ACMSD: variants seen among roughly 807,000 people sequenced by gnomAD.
ACMSD encodes 2-amino-3-carboxymuconate-6-semialdehyde decarboxylase.
ACMSD carries 37 observed loss-of-function variants against 45.9 expected under a neutral mutation model. That is an observed-to-expected ratio of 0.81 (90% CI 0.62 to 1.06). The LOEUF is 1.06. Ranked by LOEUF, ACMSD falls within the 50% of genes least tolerant of loss-of-function variation. The pLI is 0.00. For missense variants in ACMSD, 434 were observed against 420.9 expected (o/e 1.03, Z -0.27); for synonymous variants, 138 against 148.8 (o/e 0.93, Z 0.53).
intron 8 of ACMSD, among the ~76,000 whole-genome samples, chr2:134,879,502 G>C (rs1688923198): frequency 1.3e-5 from 2 of 152,120 alleles, no homozygotes; most frequent in Admixed American, 6.6e-5. Flanking sequence ...ACATGCTGCT[G>C]CATCACAAAT....
chr2:134,899,018 C>T (rs1690345157), intron 9 of ACMSD, among the ~76,000 whole-genome samples: 1 of 152,088 alleles, frequency 6.6e-6, no homozygotes, highest in Non-Finnish European at 1.5e-5. Context: ...TCCTTTGCCA[C>T]TCCTTCCACA....
intron 3 of ACMSD, 151 bp from the exon 4 acceptor site, chr2:134,861,818 G>GC (rs937657566): frequency 8.0e-6 from 6 of 748,170 alleles, no homozygotes; most frequent in Admixed American, 7.8e-5. Context: ...TGGGGGCTGA[G>GC]GGGGGTCCAG....
intron 6 of ACMSD, 68 bp downstream of exon 6, chr2:134,867,740 C>T (rs1573657192): frequency 1.6e-6 from 2 of 1,288,120 alleles, no homozygotes; most frequent in East Asian, 2.3e-5. Context: ...CTATGGAAAC[C>T]TATTATGTCA....
chr2:134,867,738 A>C, intron 6 of ACMSD, 66 bp downstream of exon 6: 1 of 1,315,994 alleles, frequency 7.6e-7, no homozygotes, highest in South Asian at 1.2e-5. Context: ...ATCTATGGAA[A>C]CCTATTATGT....
intron 8 of ACMSD, among the ~76,000 whole-genome samples, chr2:134,890,132 A>C (rs1462721489): frequency 2.0e-5 from 3 of 152,096 alleles, no homozygotes; most frequent in African/African-American, 7.2e-5. Context: ...ATTAATCATG[A>C]AGAGAAAAAA....
In ACMSD at chr2:134,863,437, A is replaced by G. The variant is rs1687936791; in HGVS notation, c.292A>G (p.Asn98Asp). The G allele has an allele frequency of 1.9e-6, 3 of 1,614,096 alleles. No homozygotes were observed. The highest frequency in any genetic ancestry group is 1.7e-5 in the Admixed American group (1 of 60,002). The change falls in exon 5 of 10, where the codon AAC becomes GAC. Residue 98 changes from asparagine (N) to aspartate (D), a missense_variant. Transcript: ENST00000356140. The part of the protein sequence containing the change: ...DTLNLCQLLN[N>D]DLASTVVSYP... ...TTTAAACCTGTGCCAGCTTTTAAAC[A>G]ACGACCTTGCCAGCACCGTTGTGAG...
At chr2:134,866,652 A>T (rs1269330762) in intron 5 of ACMSD, among the ~76,000 whole-genome samples, 4 of 152,230 alleles carry the variant, frequency 2.6e-5, no homozygotes, top group African/African-American at 9.6e-5. Flanking sequence ...ACAAACATTT[A>T]TGTATGAGGG....
chr2:134,869,726 A>C (rs954130936), intron 6 of ACMSD, among the ~76,000 whole-genome samples: 34 of 151,906 alleles, frequency 2.2e-4, no homozygotes, highest in South Asian at 8.3e-4. Flanking sequence ...ATATATATAT[A>C]TCACAAGAAA....
chr2:134,864,884 T>C (rs1396505346), intron 5 of ACMSD, among the ~76,000 whole-genome samples: 1 of 152,216 alleles, frequency 6.6e-6, no homozygotes, highest in Non-Finnish European at 1.5e-5. Context: ...TCCTCCACTT[T>C]CAACTCTTTC....
At position 134,867,583 on chromosome 2, in the gene ACMSD, C is replaced by A. The variant is rs1313743354; in HGVS notation, c.491C>A (p.Ala164Asp). The A allele has an allele frequency of 6.2e-7, 1 of 1,612,998 alleles. No individual in the cohort carries two copies. The highest frequency in any genetic ancestry group is 8.5e-7 in the Non-Finnish European group (1 of 1,179,462). The change falls in exon 6 of 10, where the codon GCC (alanine) becomes GAC (aspartate). Residue 164 changes from alanine (A) to aspartate (D), a missense_variant. By Grantham distance (126) the Ala-to-Asp change is moderately radical (BLOSUM62 -2). Transcript: ENST00000356140. ...AQELFPVYAA[A>D]ERLKCSLFVH... ...TCTCTCATTGCTTCTTTGAAGGCAG[C>A]CGAAAGGCTGAAGTGTTCCCTGTTC...
intron 5 of ACMSD, among the ~76,000 whole-genome samples, chr2:134,864,418 ACT>A (rs1687998882): frequency 6.6e-6 from 1 of 152,224 alleles, no homozygotes; most frequent in Non-Finnish European, 1.5e-5. Context: ...ATGAGTAGCC[ACT>A]GTTACCATAC....
intron 2 of ACMSD, among the ~76,000 whole-genome samples, chr2:134,845,550 T>A (rs1406701324): frequency 7.2e-6 from 1 of 139,006 alleles, no homozygotes; most frequent in Admixed American, 7.1e-5. Context: ...TCTCTCTCTC[T>A]CTCTCCCCTC....
intron 5 of ACMSD, among the ~76,000 whole-genome samples, chr2:134,865,329 T>C (rs1372279714): frequency 1.3e-5 from 2 of 152,242 alleles, no homozygotes; most frequent in Non-Finnish European, 2.9e-5. Context: ...TTTATTTACT[T>C]ATGCATCCAA....
At chr2:134,888,879 A>G (rs1202028951) in intron 8 of ACMSD, among the ~76,000 whole-genome samples, 1 of 152,072 alleles carries the variant, frequency 6.6e-6, no homozygotes, top group African/African-American at 2.4e-5. Flanking sequence ...AGCATGAGGG[A>G]GCTTTGTGGG....
chr2:134,875,559 T>C (rs1372691194), intron 8 of ACMSD, among the ~76,000 whole-genome samples: 1 of 152,216 alleles, frequency 6.6e-6, no homozygotes, highest in Non-Finnish European at 1.5e-5. Flanking sequence ...TAAAATTCTT[T>C]TGCTTTTAAA....
At chr2:134,866,488 T>C (rs888038204) in intron 5 of ACMSD, among the ~76,000 whole-genome samples, 1 of 152,204 alleles carries the variant, frequency 6.6e-6, no homozygotes, top group Non-Finnish European at 1.5e-5. Context: ...AAAAGGCTTA[T>C]ATCTCTTCTG....
intron 8 of ACMSD, among the ~76,000 whole-genome samples, chr2:134,895,608 C>T (rs914711597): frequency 1.3e-5 from 2 of 151,812 alleles, no homozygotes; most frequent in Admixed American, 6.6e-5. Flanking sequence ...CACCTGTAAT[C>T]CCAGCACTTT....
At position 134,867,616 on chromosome 2, in the gene ACMSD, C is replaced by T. The variant is rs1218334371; in HGVS notation, c.524C>T (p.Pro175Leu). Reference protein sequence around the residue: ...ERLKCSLFVHPWDMQMDGRMA... With the variant: ...ERLKCSLFVHLWDMQMDGRMA... ...CTGAAGTGTTCCCTGTTCGTGCATC[C>T]CTGGGACATGCAGATGGATGGACGA... Residue 175 changes from proline to leucine, a missense_variant, in exon 6 of 10, where the codon CCC becomes CTC. Transcript: ENST00000356140. The T allele has an allele frequency of 2.5e-6, 4 of 1,613,802 alleles. No individual in the cohort carries two copies. The highest frequency in any genetic ancestry group is 3.4e-6 in the Non-Finnish European group (4 of 1,179,918).
chr2:134,859,100 A>G (rs528625564), intron 2 of ACMSD, among the ~76,000 whole-genome samples, 161 bp from the exon 3 acceptor site: 1 of 151,734 alleles, frequency 6.6e-6, no homozygotes, highest in East Asian at 1.9e-4. Flanking sequence ...AGCATGAGGA[A>G]AGAAAGCTGA....
Sources: allele counts gnomAD v4.1 joint callset (sites outside exome capture counted in the v4.1 genomes callset), GRCh38; gene constraint gnomAD v4.1.1; transcripts MANE v1.5; gene names NCBI Gene and HGNC (gene_info 2026-07-23, HGNC 2026-07-21).